Variants in SERINC3 observed in about 807,000 individuals in gnomAD.
SERINC3 encodes the protein serine incorporator 3.
A neutral mutation model predicts 52.1 loss-of-function variants in SERINC3; 22 were observed. The observed-to-expected ratio is 0.42, with a 90% CI of 0.30 to 0.60. The LOEUF (loss-of-function observed/expected upper bound fraction) is 0.60. SERINC3 is among the 20% of genes least tolerant of loss of function. SERINC3 has a pLI of 0.16. For synonymous variants in SERINC3, 226 were observed against 212.7 expected (o/e 1.06, Z -0.54); for missense variants, 564 against 584.6 (o/e 0.96, Z 0.36).
intron 4 of SERINC3, among the ~76,000 whole-genome samples, chr20:44,510,912 T>C (rs986604063): frequency 6.6e-6 from 1 of 151,752 alleles, no homozygotes; most frequent in Non-Finnish European, 1.5e-5. Flanking sequence ...AAAAGGTAGT[T>C]TTGTTTTGTT....
Position 44,513,878 on chromosome 20 carries a change from C to G in SERINC3, c.201+1G>C. 6.3e-7 allele frequency: 1 copy of G among 1,595,880 alleles called. No homozygotes were observed. The highest frequency in any genetic ancestry group is 8.5e-7 in the Non-Finnish European group (1 of 1,170,762). ...ACCTTAAGGGCACTGTTACTTCTTA[C>G]CTTCTTCAAGTAAGTTTCCATCTCT... On this transcript the variant is annotated splice_donor_variant, in intron 2 of 9. Transcript: ENST00000342374. LOFTEE classifies it high-confidence loss of function.
In SERINC3 at chr20:44,497,759, C is replaced by T. The variant is rs1219771030; in HGVS notation, c.*2537G>A. The T allele has an allele frequency of 6.6e-6, 1 of 152,192 alleles. No individual in the cohort carries two copies. Among genetic ancestry groups the T allele is most frequent in the African/African-American group, 2.4e-5 (1 of 41,440 alleles). 9.4% of individuals were successfully genotyped at this position (152,192 alleles called of 1,614,324 possible). A position where few individuals can be genotyped will look rare whatever the true frequency, so the allele number is the denominator to read the frequency against. ...CAAGTCCTGCTTCCCTACCCCACAC[C>T]TCCACCCTAACTGAGCCTGTCCCCT... On this transcript the variant is annotated 3_prime_UTR_variant, in exon 10 of 10. Coordinates refer to ENST00000342374, the MANE Select transcript of SERINC3 (RefSeq NM_006811.4).
chr20:44,513,604 G>T (rs1356763904), intron 2 of SERINC3, among the ~76,000 whole-genome samples: 1 of 152,176 alleles, frequency 6.6e-6, no homozygotes, highest in African/African-American at 2.4e-5. Flanking sequence ...GTCCAGTTTA[G>T]ATGCTTCGAC....
chr20:44,501,001 G>A, intron 9 of SERINC3, 72 bp downstream of exon 9: 2 of 1,110,010 alleles, frequency 1.8e-6, no homozygotes, highest in Non-Finnish European at 2.7e-6. Flanking sequence ...CTGAGGTCAG[G>A]ACAATGGATG....
chr20:44,508,760 A>T (rs1433069682), intron 5 of SERINC3, among the ~76,000 whole-genome samples: 2 of 152,222 alleles, frequency 1.3e-5, no homozygotes, highest in African/African-American at 4.8e-5. Flanking sequence ...TCATGGAACA[A>T]CATACAGTAC....
At chr20:44,509,534 A>G (rs953077100) in intron 5 of SERINC3, among the ~76,000 whole-genome samples, 7 of 151,974 alleles carry the variant, frequency 4.6e-5, no homozygotes, top group African/African-American at 7.2e-5. Flanking sequence ...ATTTAATGTT[A>G]TTATTATTTT....
At chr20:44,517,631 A>AC (rs2123071732) in intron 1 of SERINC3, among the ~76,000 whole-genome samples, 1 of 150,958 alleles carries the variant, frequency 6.6e-6, no homozygotes, top group African/African-American at 2.4e-5. Flanking sequence ...ATTCTCTCTC[A>AC]CCACCCTTAG....
chr20:44,519,683 G>A (rs2064403297), intron 1 of SERINC3, among the ~76,000 whole-genome samples: 1 of 152,104 alleles, frequency 6.6e-6, no homozygotes, highest in East Asian at 1.9e-4. Context: ...GTACTGGGAA[G>A]GCTGAGGTGG....
At chr20:44,514,855 G>A (rs73615469) in intron 1 of SERINC3, among the ~76,000 whole-genome samples, 1,837 of 152,222 alleles carry the variant, frequency 0.012, 16 homozygotes, top group East Asian at 0.062. Flanking sequence ...AATTCAAGAG[G>A]AACCAGGTTC....
chr20:44,520,494 T>A (rs2064409184), intron 1 of SERINC3, among the ~76,000 whole-genome samples: 2 of 152,194 alleles, frequency 1.3e-5, no homozygotes, highest in Non-Finnish European at 2.9e-5. Context: ...CCAAGTGAAT[T>A]AATACAGAAA....
intron 1 of SERINC3, among the ~76,000 whole-genome samples, chr20:44,516,518 T>C (rs955702032): frequency 7.9e-5 from 12 of 151,824 alleles, no homozygotes; most frequent in African/African-American, 2.7e-4. Flanking sequence ...GCCTCCCAAG[T>C]AGCTGGGATT....
At chr20:44,503,491 T>C (rs2064292363) in intron 8 of SERINC3, among the ~76,000 whole-genome samples, 1 of 152,086 alleles carries the variant, frequency 6.6e-6, no homozygotes, top group South Asian at 2.1e-4. Context: ...CTACTAAAAA[T>C]ACAAAAATTA....
rs541403375 is a variant in SERINC3, at chr20:44,522,024, A to G, written c.-73T>C. 6.9e-7 allele frequency: 1 copy of G among 1,450,644 alleles called. No homozygotes were observed. Among genetic ancestry groups the G allele is most frequent in the South Asian group, 1.2e-5 (1 of 81,028 alleles). The allele number at this position is 1,450,644 out of a possible 1,614,324, so 89.9% of individuals were successfully genotyped here. A position where few individuals can be genotyped will look rare whatever the true frequency, so the allele number is the denominator to read the frequency against. On this transcript the variant is annotated 5_prime_UTR_variant, in exon 1 of 10. Transcript: ENST00000342374. ...ACGGTGGTAACTGCCAGCTGAGGTG[A>G]CTCCCCAGAAACATGACGGTTTCTC...
chr20:44,497,843 G>A lies in SERINC3; in HGVS notation c.*2453C>T, dbSNP rs1260918545. Reference sequence around the variant, plus strand: ...TGAAATCCAGCCTCCATCAGATTCTGGCTAGATATCTCTGACCTTTGAATA... The same window carrying A: ...TGAAATCCAGCCTCCATCAGATTCTAGCTAGATATCTCTGACCTTTGAATA... On this transcript the variant is annotated 3_prime_UTR_variant, in exon 10 of 10. Coordinates refer to ENST00000342374, the MANE Select transcript of SERINC3 (RefSeq NM_006811.4). The A allele has an allele frequency of 6.6e-6, 1 of 152,154 alleles. No homozygotes were observed. The highest frequency in any genetic ancestry group is 2.4e-5 in the African/African-American group (1 of 41,418). The allele number at this position is 152,154 out of a possible 1,614,324, so 9.4% of individuals were successfully genotyped here.
intron 5 of SERINC3, among the ~76,000 whole-genome samples, chr20:44,507,865 T>C (rs1041313337): frequency 6.6e-6 from 1 of 152,104 alleles, no homozygotes; most frequent in African/African-American, 2.4e-5. Flanking sequence ...CAAAACCCCA[T>C]CTCAAACAAC....
intron 7 of SERINC3, among the ~76,000 whole-genome samples, chr20:44,504,273 A>C (rs1281288743): frequency 6.6e-6 from 1 of 152,230 alleles, no homozygotes; most frequent in African/African-American, 2.4e-5. Flanking sequence ...TTAATTCTTT[A>C]AGTGTCAAGG....
intron 1 of SERINC3, among the ~76,000 whole-genome samples, chr20:44,515,831 T>C (rs1307458197): frequency 2.0e-5 from 3 of 151,832 alleles, no homozygotes; most frequent in African/African-American, 7.3e-5. Flanking sequence ...TTTTTTGTAT[T>C]TTTTAGTAGA....
At chr20:44,501,026 A>G (rs777964268) in intron 9 of SERINC3, 47 bp downstream of exon 9, 28 of 1,402,236 alleles carry the variant, frequency 2.0e-5, no homozygotes, top group Non-Finnish European at 1.8e-5. Context: ...TTTATAGGCC[A>G]TCCAAGGGTT....
chr20:44,509,854 A>G (rs888972154), intron 5 of SERINC3, 37 bp downstream of exon 5: 6 of 1,606,396 alleles, frequency 3.7e-6, no homozygotes, highest in Non-Finnish European at 4.3e-6. Context: ...TGCTTAATGT[A>G]GCAGTATGGC....
Sources: gnomAD v4.1 joint callset for allele counts (sites outside exome capture counted in the v4.1 genomes callset) on GRCh38, gnomAD v4.1.1 for gene constraint, MANE v1.5 for transcripts, NCBI Gene and HGNC (gene_info 2026-07-23, HGNC 2026-07-21) for gene names.